The following ARHGEF10 variants were observed in gnomAD, a reference collection of about 807,000 sequenced individuals.
ARHGEF10 encodes Rho guanine nucleotide exchange factor (GEF) 10.
ARHGEF10 carries 140 observed loss-of-function variants against 147.4 expected under a neutral mutation model. The ratio of observed to expected loss-of-function variants is 0.95; its 90% confidence interval spans 0.83 to 1.09. ARHGEF10 has a LOEUF of 1.09. Ranked by LOEUF, ARHGEF10 falls within the 50% of genes least tolerant of loss-of-function variation. The pLI is 0.00. For missense variants in ARHGEF10, 2,222 were observed against 1,752.7 expected (o/e 1.27, Z -4.78); for synonymous variants, 902 against 695.8 (o/e 1.30, Z -4.67).
chr8:1,851,652 C>G (rs1030273165), intron 2 of ARHGEF10, among the ~76,000 whole-genome samples: 9 of 152,292 alleles, frequency 5.9e-5, no homozygotes, highest in African/African-American at 2.2e-4. Flanking sequence ...TTGGCTCTTG[C>G]CTGTAATCCC....
chr8:1,944,869 G>C (rs1160262057), intron 26 of ARHGEF10, among the ~76,000 whole-genome samples: 1 of 152,246 alleles, frequency 6.6e-6, no homozygotes, highest in Non-Finnish European at 1.5e-5. Context: ...GGGTCGCTGT[G>C]TTAGCAGCTC....
At chr8:1,842,746 C>T (rs910235367) in intron 1 of ARHGEF10, among the ~76,000 whole-genome samples, 2 of 152,198 alleles carry the variant, frequency 1.3e-5, no homozygotes, top group African/African-American at 2.4e-5. Context: ...TCCCGGGACT[C>T]GCTGGCATCT....
At chr8:1,885,418 C>A (rs1808571917) in intron 10 of ARHGEF10, among the ~76,000 whole-genome samples, 183 bp from the exon 11 acceptor site, 1 of 152,084 alleles carries the variant, frequency 6.6e-6, no homozygotes, top group Non-Finnish European at 1.5e-5. Context: ...TTGTATTACC[C>A]TCTGGAAAGA....
chr8:1,854,617 C>G (rs1321329456), intron 2 of ARHGEF10, among the ~76,000 whole-genome samples: 1 of 152,128 alleles, frequency 6.6e-6, no homozygotes, highest in African/African-American at 2.4e-5. Flanking sequence ...TTCCAAGCCC[C>G]TCCAAGTCTA....
chr8:1,873,511 T>TGCC (rs1807332711), intron 7 of ARHGEF10, among the ~76,000 whole-genome samples: 2 of 49,586 alleles, frequency 4.0e-5, no homozygotes, highest in Admixed American at 1.8e-4. Flanking sequence ...ATTTCCTCGT[T>TGCC]TGAGAGGCGC....
At chr8:1,846,355 C>T (rs752833871) in intron 2 of ARHGEF10, among the ~76,000 whole-genome samples, 2 of 152,170 alleles carry the variant, frequency 1.3e-5, no homozygotes, top group African/African-American at 2.4e-5. Flanking sequence ...GGCCTGGTGT[C>T]TTTTCTGAGG....
upstream of ARHGEF10, among the ~76,000 whole-genome samples, chr8:1,823,749 G>C (rs898766806): frequency 6.6e-6 from 1 of 151,844 alleles, no homozygotes; most frequent in Admixed American, 6.5e-5. Context: ...TGCGCAGCCT[G>C]GGCCGGGCGT....
chr8:1,831,027 G>A (rs1286849378), intron 1 of ARHGEF10, among the ~76,000 whole-genome samples: 1 of 152,262 alleles, frequency 6.6e-6, no homozygotes, highest in Non-Finnish European at 1.5e-5. Flanking sequence ...AGGCAAGAGG[G>A]GACTGGTGAA....
At chr8:1,830,749 G>A (rs1046391698) in intron 1 of ARHGEF10, among the ~76,000 whole-genome samples, 2 of 152,182 alleles carry the variant, frequency 1.3e-5, no homozygotes, top group East Asian at 1.9e-4. Context: ...GAAAGAGAAG[G>A]CATACACGGG....
chr8:1,917,112 A>G (rs1006761760), intron 18 of ARHGEF10, among the ~76,000 whole-genome samples: 2 of 152,248 alleles, frequency 1.3e-5, no homozygotes, highest in African/African-American at 4.8e-5. Context: ...TGACGTGGAG[A>G]CATCCTTACA....
upstream of ARHGEF10, among the ~76,000 whole-genome samples, chr8:1,823,469 C>G (rs369269724): frequency 5.9e-5 from 9 of 151,918 alleles, no homozygotes; most frequent in East Asian, 5.8e-4. Context: ...AGCGTCTGCC[C>G]GACGCCCCCT....
chr8:1,851,460 G>T (rs377663931), intron 2 of ARHGEF10, among the ~76,000 whole-genome samples: 5 of 151,932 alleles, frequency 3.3e-5, no homozygotes, highest in Admixed American at 1.3e-4. Flanking sequence ...CTCAGTGTTG[G>T]CTTCTCAGTT....
chr8:1,845,087 C>T (rs1035393595), intron 2 of ARHGEF10, among the ~76,000 whole-genome samples: 2 of 152,082 alleles, frequency 1.3e-5, no homozygotes, highest in Admixed American at 6.5e-5. Context: ...TGCAGTGAGC[C>T]GAGATCCTTC....
In ARHGEF10 at chr8:1,888,347, G is replaced by T. The variant is rs1448533890; in HGVS notation, c.1182+2640G>T. On this transcript the variant is annotated intron_variant, in intron 11 of 28. Coordinates refer to ENST00000349830, the MANE Select transcript of ARHGEF10 (RefSeq NM_014629.4). ...GGGATGTTGACTGTGAGGAGACACTGAGTGGGGTGAGGGTTGTGAGGAGAT... is the reference window on the plus strand; with the variant it reads ...GGGATGTTGACTGTGAGGAGACACTTAGTGGGGTGAGGGTTGTGAGGAGAT... Among the ~76,000 whole-genome samples, 159 of 128,700 alleles carry T rather than the reference G, an allele frequency of 1.2e-3. 3 individuals are homozygous for T. The highest frequency in any genetic ancestry group is 1.7e-3 in the Non-Finnish European group (103 of 61,662). 84.4% of individuals were successfully genotyped at this position (128,700 alleles called of 152,430 possible).
intron 10 of ARHGEF10, 25 bp downstream of exon 10, chr8:1,882,774 G>T (rs1327220025): frequency 1.3e-6 from 2 of 1,512,736 alleles, no homozygotes; most frequent in African/African-American, 1.5e-5. Flanking sequence ...GTCTTCTTGC[G>T]GGGAGGACAC....
chr8:1,941,554 C>T (rs1181261425), intron 26 of ARHGEF10, among the ~76,000 whole-genome samples: 1 of 151,344 alleles, frequency 6.6e-6, no homozygotes, highest in Non-Finnish European at 1.5e-5. Context: ...GCAGATTCAA[C>T]ATAATCCCTA....
At chr8:1,870,940 C>T (rs1171760250) in intron 7 of ARHGEF10, 2 of 151,904 alleles carry the variant, frequency 1.3e-5, no homozygotes, top group African/African-American at 4.8e-5. Flanking sequence ...TGGTGAAACC[C>T]CATCTCTACT....
chr8:1,856,388 G>T (rs1367248194), intron 2 of ARHGEF10, among the ~76,000 whole-genome samples: 1 of 152,234 alleles, frequency 6.6e-6, no homozygotes, highest in African/African-American at 2.4e-5. Flanking sequence ...GCTGGATCCA[G>T]TTCACGCTGT....
In ARHGEF10 at chr8:1,956,975, G is replaced by T; in HGVS notation, c.3747G>T (p.Ser1249=). Residue 1249 remains serine (S), a synonymous_variant, in exon 29 of 29, where the codon TCG becomes TCT. Coordinates refer to ENST00000349830, the MANE Select transcript of ARHGEF10 (RefSeq NM_014629.4). The part of the protein sequence containing the change: ...AAIWLGDSLG[S]MTQKSDLSSS... The stretch of plus-strand genomic sequence containing the variant: ...TCTGGTTGGGAGATTCGCTGGGATC[G>T]ATGACTCAGAAAAGCGACCTGTCCT... 1 of 1,614,128 alleles carries T rather than the reference G, an allele frequency of 6.2e-7. No individual in the cohort carries two copies. Among genetic ancestry groups the T allele is most frequent in the Non-Finnish European group, 8.5e-7 (1 of 1,180,026 alleles).
Sources: gnomAD v4.1 joint callset for allele counts (sites outside exome capture counted in the v4.1 genomes callset) on GRCh38, gnomAD v4.1.1 for gene constraint, MANE v1.5 for transcripts, NCBI Gene and HGNC (gene_info 2026-07-23, HGNC 2026-07-21) for gene names.